UVRAG: variants seen among roughly 807,000 people sequenced by gnomAD.
The protein encoded by UVRAG is UV radiation resistance associated, also known as UV radiation resistance-associated gene protein.
UVRAG carries 19 observed loss-of-function variants against 78.0 expected under a neutral mutation model. The observed-to-expected ratio is 0.24, with a 90% CI of 0.17 to 0.36. The LOEUF (loss-of-function observed/expected upper bound fraction) is 0.36, where lower values mean the gene tolerates loss of function less well. Among genes scored for constraint, UVRAG ranks in the 10% least tolerant of loss-of-function variants. The probability of loss-of-function intolerance (pLI) is 1.00; values close to 1 mark genes in which losing one functional copy is unlikely to be tolerated. For missense variants in UVRAG, 740 were observed against 853.8 expected (o/e 0.87, Z 1.66); for synonymous variants, 323 against 324.6 (o/e 1.00, Z 0.05).
intron 7 of UVRAG, among the ~76,000 whole-genome samples, chr11:75,975,089 T>G (rs556383891): frequency 6.6e-6 from 1 of 152,172 alleles, no homozygotes; most frequent in East Asian, 1.9e-4. Flanking sequence ...TTTCAGCTTT[T>G]GACATATGGC....
chr11:75,999,679 A>G (rs953490734), intron 8 of UVRAG, among the ~76,000 whole-genome samples: 1 of 152,082 alleles, frequency 6.6e-6, no homozygotes, highest in African/African-American at 2.4e-5. Context: ...GTGCCCAGCC[A>G]TATTTTTAGT....
chr11:75,940,443 C>T (rs1405396047), intron 6 of UVRAG, among the ~76,000 whole-genome samples: 1 of 152,114 alleles, frequency 6.6e-6, no homozygotes, highest in African/African-American at 2.4e-5. Context: ...CTTAAAAGGT[C>T]ATTGTCCAGT....
At chr11:76,045,574 A>G (rs1198038916) in intron 12 of UVRAG, among the ~76,000 whole-genome samples, 1 of 152,168 alleles carries the variant, frequency 6.6e-6, no homozygotes, top group Non-Finnish European at 1.5e-5. Flanking sequence ...GGAAAGTACT[A>G]TGTCCAAGAA....
intron 6 of UVRAG, among the ~76,000 whole-genome samples, chr11:75,942,704 G>A (rs1327467652): frequency 6.6e-6 from 1 of 152,090 alleles, no homozygotes. Flanking sequence ...CTGTTTATCA[G>A]ACACAATACA....
intron 2 of UVRAG, among the ~76,000 whole-genome samples, chr11:75,853,372 C>G: frequency 6.6e-6 from 1 of 150,742 alleles, no homozygotes; most frequent in African/African-American, 2.4e-5. Flanking sequence ...CCACCCCACC[C>G]TGAGACGGAG....
chr11:76,096,770 T>C (rs1401281863), intron 13 of UVRAG, among the ~76,000 whole-genome samples: 1 of 152,142 alleles, frequency 6.6e-6, no homozygotes, highest in Non-Finnish European at 1.5e-5. Flanking sequence ...CACAAGCAAA[T>C]ACCCTGAGGC....
At chr11:76,129,868 G>GTCTC (rs147417062) in intron 14 of UVRAG, among the ~76,000 whole-genome samples, 125 of 148,418 alleles carry the variant, frequency 8.4e-4, no homozygotes, top group African/African-American at 2.6e-3. Flanking sequence ...AAGTATAAAT[G>GTCTC]TCTCTCTCTC....
At chr11:75,888,106 TTAA>T (rs1436650196) in intron 4 of UVRAG, among the ~76,000 whole-genome samples, 14 of 152,274 alleles carry the variant, frequency 9.2e-5, no homozygotes, top group African/African-American at 3.4e-4. Context: ...ATAGAATATA[TTAA>T]TCTTTTATGT....
In UVRAG at chr11:75,908,712, C is replaced by CTTT. The variant is rs1024795820; in HGVS notation, c.508-3217_508-3215dup. 2.5e-3 allele frequency among the ~76,000 whole-genome samples: 115 copies of CTTT among 45,450 alleles called. 8 individuals carry two copies. The highest frequency in any genetic ancestry group is 6.8e-3 in the African/African-American group (79 of 11,592). The allele number at this position is 45,450 out of a possible 152,430, so 29.8% of individuals were successfully genotyped here. ...ACCAGTCAAATAATCTGGTTCTGGG[C>CTTT]TTTTTTTTTTTTTTTTTTTTTTTTT... On this transcript the variant is annotated intron_variant, in intron 5 of 14. Coordinates refer to ENST00000356136, the MANE Select transcript of UVRAG (RefSeq NM_003369.4).
chr11:75,997,240 C>A (rs1052213532), intron 8 of UVRAG, among the ~76,000 whole-genome samples: 5 of 152,176 alleles, frequency 3.3e-5, no homozygotes, highest in African/African-American at 9.7e-5. Flanking sequence ...AGAAGAATGA[C>A]AATTTATTGG....
chr11:75,954,454 T>G (rs1948757454), intron 6 of UVRAG, among the ~76,000 whole-genome samples: 1 of 152,228 alleles, frequency 6.6e-6, no homozygotes, highest in African/African-American at 2.4e-5. Flanking sequence ...CTATCATTTT[T>G]AGAATTCTGA....
chr11:75,992,140 A>G (rs1949619735), intron 8 of UVRAG, among the ~76,000 whole-genome samples: 1 of 152,176 alleles, frequency 6.6e-6, no homozygotes, highest in African/African-American at 2.4e-5. Flanking sequence ...CCAAAGCCAC[A>G]TGCATAGCAA....
intron 6 of UVRAG, among the ~76,000 whole-genome samples, chr11:75,958,209 A>C (rs1948839336): frequency 6.6e-6 from 1 of 152,200 alleles, no homozygotes; most frequent in Non-Finnish European, 1.5e-5. Context: ...TCTTAAAATA[A>C]GACAACATGA....
chr11:75,989,461 C>G (rs1226007758), intron 8 of UVRAG, among the ~76,000 whole-genome samples: 1 of 152,148 alleles, frequency 6.6e-6, no homozygotes, highest in Non-Finnish European at 1.5e-5. Flanking sequence ...TTCCTTCTCT[C>G]AGGAATCATT....
chr11:75,840,870 A>G (rs1375173015), intron 1 of UVRAG, among the ~76,000 whole-genome samples: 2 of 152,162 alleles, frequency 1.3e-5, no homozygotes, highest in African/African-American at 4.8e-5. Context: ...GGATTAGGAA[A>G]ATATAGGTGA....
intron 8 of UVRAG, among the ~76,000 whole-genome samples, chr11:75,998,541 C>T (rs1029093037): frequency 1.3e-5 from 2 of 152,124 alleles, no homozygotes; most frequent in Non-Finnish European, 1.5e-5. Context: ...TATACAAAGT[C>T]ATAACTTTTC....
chr11:75,923,949 T>C (rs1174715113), intron 6 of UVRAG, among the ~76,000 whole-genome samples: 1 of 152,242 alleles, frequency 6.6e-6, no homozygotes, highest in Admixed American at 6.5e-5. Flanking sequence ...CTCTCTGATG[T>C]TGAAATTGTA....
intron 14 of UVRAG, among the ~76,000 whole-genome samples, chr11:76,116,839 G>A (rs1302772090): frequency 6.6e-6 from 1 of 152,128 alleles, no homozygotes; most frequent in Admixed American, 6.5e-5. Context: ...AATTTGATTT[G>A]CTCTGCTGAT....
In UVRAG at chr11:75,816,255, T is replaced by G. The variant is rs570158361; in HGVS notation, c.117+731T>G. Among the ~76,000 whole-genome samples the G allele has an allele frequency of 1.6e-3, 251 of 152,344 alleles. 1 individual carries two copies. Among genetic ancestry groups the G allele is most frequent in the Non-Finnish European group, 2.7e-3 (182 of 68,030 alleles). ...TTGAGGACTTCTTGGCTCTGCGTTGTAGGAAGATAAGAAGGGGGAAACACT... is the reference window on the plus strand; with the variant it reads ...TTGAGGACTTCTTGGCTCTGCGTTGGAGGAAGATAAGAAGGGGGAAACACT... On this transcript the variant is annotated intron_variant, in intron 1 of 14. Transcript: ENST00000356136.
Sources: gnomAD v4.1 joint callset for allele counts (sites outside exome capture counted in the v4.1 genomes callset) on GRCh38, gnomAD v4.1.1 for gene constraint, MANE v1.5 for transcripts, NCBI Gene and HGNC (gene_info 2026-07-23, HGNC 2026-07-21) for gene names.